ANKDD1A: variants seen among roughly 807,000 people sequenced by gnomAD.
ANKDD1A encodes ankyrin repeat and death domain containing 1A.
Under a neutral mutation model 63.5 loss-of-function variants are expected in ANKDD1A, and 59 were observed. That is an observed-to-expected ratio of 0.93 (90% CI 0.75 to 1.15). The LOEUF (loss-of-function observed/expected upper bound fraction) is 1.15, where lower values mean the gene tolerates loss of function less well. Among genes scored for constraint, ANKDD1A ranks in the 50% most tolerant of loss-of-function variants. The probability of loss-of-function intolerance (pLI) is 0.00; values close to 1 mark genes in which losing one functional copy is unlikely to be tolerated. For missense variants in ANKDD1A, 632 were observed against 656.4 expected (o/e 0.96, Z 0.41); for synonymous variants, 266 against 263.9 (o/e 1.01, Z -0.08).
At chr15:64,940,471 C>T (rs3933167) in intron 9 of ANKDD1A, among the ~76,000 whole-genome samples, 46,178 of 151,666 alleles carry the variant, frequency 0.3, 8,183 homozygotes, top group South Asian at 0.45. Context: ...CTTGCTCTGT[C>T]GCCCAGGCTG....
intron 8 of ANKDD1A, chr15:64,932,844 G>A (rs2085101623): frequency 6.6e-6 from 1 of 151,964 alleles, no homozygotes; most frequent in Non-Finnish European, 1.5e-5. Flanking sequence ...AGCACTTTGG[G>A]AGGCCAAAGC....
chr15:64,954,034 TTCTTCC>T (rs1162686235), intron 14 of ANKDD1A, among the ~76,000 whole-genome samples: 1 of 107,372 alleles, frequency 9.3e-6, no homozygotes, highest in Non-Finnish European at 1.8e-5. Flanking sequence ...CTTTTCTTTC[TTCTTCC>T]TCTTCTTCTT....
chr15:64,951,459 TTTCTC>T (rs146573424), intron 14 of ANKDD1A: 399 of 34,010 alleles, frequency 0.012, 3 homozygotes, highest in African/African-American at 0.024. Flanking sequence ...TTTCTTTTCT[TTTCTC>T]TTTTTTCTTT....
rs1491223473 is a variant in ANKDD1A at position 64,953,554 on chromosome 15, T to TCTTTCTTCTTCCTTCTC, written c.1484-3541_1484-3540insTTCCTTCTCCTTTCTTC. ...TTCTCCTCTCCTTCTTCCTTCTCCT[T>TCTTTCTTCTTCCTTCTC]CTTTCTTCCTCCTTCTTCTTAGTTC... On this transcript the variant is annotated intron_variant, in intron 14 of 14. Coordinates refer to ENST00000319580, the MANE Select transcript of ANKDD1A (RefSeq NM_182703.6). Among the ~76,000 whole-genome samples, 33 of 81,684 alleles carry TCTTTCTTCTTCCTTCTC rather than the reference T, an allele frequency of 4.0e-4. 2 individuals carry two copies. Among genetic ancestry groups the TCTTTCTTCTTCCTTCTC allele is most frequent in the Non-Finnish European group, 5.8e-4 (18 of 31,080 alleles). 53.6% of individuals were successfully genotyped at this position (81,684 alleles called of 152,430 possible).
At chr15:64,921,151 G>A (rs966199936) in intron 3 of ANKDD1A, among the ~76,000 whole-genome samples, 2 of 151,400 alleles carry the variant, frequency 1.3e-5, no homozygotes, top group Admixed American at 1.3e-4. Flanking sequence ...TTACGAAAAT[G>A]TCTGTAGAGA....
rs747534909 is a variant in ANKDD1A, at chr15:64,934,163, G to T, written c.796G>T (p.Ala266Ser). 6.2e-7 allele frequency: 1 copy of T among 1,612,216 alleles called. No individual in the cohort carries two copies. Among genetic ancestry groups the T allele is most frequent in the South Asian group, 1.1e-5 (1 of 90,468 alleles). Residue 266 changes from alanine (A) to serine (S), a missense_variant, in exon 9 of 15, where the codon GCC (alanine) becomes TCC (serine). Physicochemically the swap from Ala to Ser is moderately conservative, Grantham distance 99 (BLOSUM62 1). Transcript: ENST00000319580. ...AAACCTAAGCTGCCTTCACTATGCA[G>T]CCCTCAGTGGCTCGGAGGATGTGTC... Reference protein sequence around the residue: ...QKNLSCLHYAALSGSEDVSRV... With the variant: ...QKNLSCLHYASLSGSEDVSRV...
rs550198020 is a variant in ANKDD1A at position 64,926,882 on chromosome 15, C to T, written c.472-19C>T. 1.2e-4 allele frequency: 192 copies of T among 1,613,676 alleles called. No homozygotes were observed. The South Asian group carries it at 1.9e-3, about 16-fold the overall frequency. ...CTGACAGAGTGAGGAAGGCTCACAC[C>T]GCTTCTCCTCCCGGCCAGCTGGGGA... On this transcript the variant is annotated intron_variant, in intron 5 of 14. Coordinates refer to ENST00000319580, the MANE Select transcript of ANKDD1A (RefSeq NM_182703.6).
rs777316673 is a variant in ANKDD1A, at chr15:64,949,945, G to A, written c.1456G>A (p.Val486Met). 8 of 1,609,982 alleles carry A rather than the reference G, an allele frequency of 5.0e-6. No individual in the cohort carries two copies. The highest frequency in any genetic ancestry group is 2.2e-5 in the East Asian group (1 of 44,900). Reference protein sequence around the residue: ...NPSKALFEGLVAIGRRDLAGW... With the variant: ...NPSKALFEGLMAIGRRDLAGW... Reference sequence around the variant, plus strand: ...CAGCAAAGCGCTGTTCGAGGGCCTCGTGGCCATTGGCAGGAGGGACCTGGC... The same window carrying A: ...CAGCAAAGCGCTGTTCGAGGGCCTCATGGCCATTGGCAGGAGGGACCTGGC... The change falls in exon 14 of 15, where the codon GTG becomes ATG. Residue 486 changes from valine (V) to methionine (M), a missense_variant. Val to Met is a conservative substitution (Grantham distance 21). Coordinates refer to ENST00000319580, the MANE Select transcript of ANKDD1A (RefSeq NM_182703.6).
intron 14 of ANKDD1A, chr15:64,950,728 C>CGGGGGGGGGGGGGGGGGGGGG: frequency 2.2e-6 from 1 of 450,278 alleles, no homozygotes; most frequent in Non-Finnish European, 2.5e-6. Context: ...AAGAAAGGAC[C>CGGGGGGGGGGGGGGGGGGGGG]GCCCCCCCCC....
chr15:64,951,618 C>A (rs903203887), intron 14 of ANKDD1A, among the ~76,000 whole-genome samples: 1 of 49,398 alleles, frequency 2.0e-5, no homozygotes, highest in Non-Finnish European at 4.3e-5. Context: ...GTTCCTTATT[C>A]TTCTTCTCTT....
rs530670227 is a variant in ANKDD1A, at chr15:64,958,050, A to G, written c.*862A>G. On this transcript the variant is annotated 3_prime_UTR_variant, in exon 15 of 15. Transcript: ENST00000319580. ...CCTTTCTATACAGTTTTAACTTTTGAAATGTGTGAGAGTGTTACTTACTGA... is the reference window on the plus strand; with the variant it reads ...CCTTTCTATACAGTTTTAACTTTTGGAATGTGTGAGAGTGTTACTTACTGA... The G allele has an allele frequency of 2.4e-4, 36 of 152,294 alleles. No individual in the cohort carries two copies. Among genetic ancestry groups the G allele is most frequent in the African/African-American group, 8.2e-4 (34 of 41,558 alleles). The allele number at this position is 152,294 out of a possible 1,614,324, so 9.4% of individuals were successfully genotyped here.
chr15:64,954,744 C>CT (rs377756194), intron 14 of ANKDD1A, among the ~76,000 whole-genome samples: 3 of 127,722 alleles, frequency 2.3e-5, no homozygotes, highest in East Asian at 2.1e-4. Context: ...CTTCCTTCTC[C>CT]TTCTTCTTTC....
chr15:64,950,739 C>T (rs1205972011), intron 14 of ANKDD1A: 18 of 833,330 alleles, frequency 2.2e-5, no homozygotes, highest in Non-Finnish European at 2.5e-5. Flanking sequence ...GCCCCCCCCC[C>T]CCCCCCCCCC....
chr15:64,920,205 C>T (rs886117933), intron 3 of ANKDD1A, among the ~76,000 whole-genome samples: 6 of 152,102 alleles, frequency 3.9e-5, no homozygotes, highest in African/African-American at 1.4e-4. Flanking sequence ...GTTTGGAGGC[C>T]TGGGGTTGCT....
In ANKDD1A at chr15:64,947,586, G is replaced by A; in HGVS notation, c.1344G>A (p.Gln448=). The change falls in exon 13 of 15, where the codon CAG becomes CAA. Residue 448 remains glutamine (Q), a synonymous_variant. Coordinates refer to ENST00000319580, the MANE Select transcript of ANKDD1A (RefSeq NM_182703.6). Reference sequence around the variant, plus strand: ...CACATGTCGACGCCATCGAGCAACAGTGGACAGGTACCACCTTGCCTCTCC... The same window carrying A: ...CACATGTCGACGCCATCGAGCAACAATGGACAGGTACCACCTTGCCTCTCC... ...TEAHVDAIEQ[Q]WTGTRSYQEH... 6.2e-7 allele frequency: 1 copy of A among 1,613,944 alleles called. No homozygotes were observed. The highest frequency in any genetic ancestry group is 8.5e-7 in the Non-Finnish European group (1 of 1,179,964).
intron 10 of ANKDD1A, 39 bp downstream of exon 10, chr15:64,942,604 T>A: frequency 6.4e-7 from 1 of 1,558,196 alleles, no homozygotes; most frequent in Non-Finnish European, 8.8e-7. Context: ...CCAGGGAGCT[T>A]CTGGAAACCC....
At chr15:64,945,631 T>TATATATATATATATA (rs1566913754) in intron 12 of ANKDD1A, among the ~76,000 whole-genome samples, 2 of 40,092 alleles carry the variant, frequency 5.0e-5, no homozygotes, top group Admixed American at 5.4e-4. Flanking sequence ...TATATATATA[T>TATATATATATATATA]GAACTTTTTT....
At chr15:64,952,417 T>TCTTCTTCTTCTC (rs2085308147) in intron 14 of ANKDD1A, among the ~76,000 whole-genome samples, 1 of 4,680 alleles carries the variant, frequency 2.1e-4, no homozygotes, top group East Asian at 9.6e-3. Context: ...TTCTTCTCCT[T>TCTTCTTCTTCTC]CTTAGTTTTC....
intron 1 of ANKDD1A, among the ~76,000 whole-genome samples, chr15:64,914,758 C>T (rs755078329): frequency 7.9e-5 from 12 of 152,218 alleles, no homozygotes; most frequent in Admixed American, 4.6e-4. Flanking sequence ...ATGATGGCAG[C>T]ATGGGGCTCC....
Sources: allele counts gnomAD v4.1 joint callset (sites outside exome capture counted in the v4.1 genomes callset), GRCh38; gene constraint gnomAD v4.1.1; transcripts MANE v1.5; gene names NCBI Gene and HGNC (gene_info 2026-07-23, HGNC 2026-07-21).